DIAPH3: variants seen among roughly 807,000 people sequenced by gnomAD.
DIAPH3 encodes diaphanous related formin 3, also known as protein diaphanous homolog 3.
Under a neutral mutation model 144.3 loss-of-function variants are expected in DIAPH3, and 117 were observed. The ratio of observed to expected loss-of-function variants is 0.81; its 90% CI spans 0.70 to 0.95. The LOEUF is 0.95. DIAPH3 is among the 40% of genes least tolerant of loss of function. DIAPH3 has a pLI of 0.00. For synonymous variants in DIAPH3, 519 were observed against 488.9 expected (o/e 1.06, Z -0.81); for missense variants, 1,421 against 1,412.7 (o/e 1.01, Z -0.09).
intron 22 of DIAPH3, among the ~76,000 whole-genome samples, chr13:59,860,048 T>C (rs1171250140): frequency 6.6e-6 from 1 of 152,138 alleles, no homozygotes; most frequent in Non-Finnish European, 1.5e-5. Flanking sequence ...AGACAGGCCA[T>C]ATGAAATATT....
At chr13:60,132,393 T>G (rs976337701) in intron 2 of DIAPH3, among the ~76,000 whole-genome samples, 3 of 152,134 alleles carry the variant, frequency 2.0e-5, no homozygotes, top group African/African-American at 7.2e-5. Flanking sequence ...TTGTTATTCC[T>G]TTACTATTAA....
Position 59,861,406 on chromosome 13 carries a change from CCTTTACTAG to C in DIAPH3, c.2729_2737del (p.Ala910_Lys912del). ...GAAATGTTTCTTAAAAAGGCACAAA[CCTTTACTAG>C]CTTTGTCTAAAGGTTCCAAATCATC... On this transcript the variant is annotated inframe_deletion and splice_region_variant, in exon 22 of 28. Transcript: ENST00000400324. The C allele has an allele frequency of 6.2e-7, 1 of 1,613,686 alleles. No individual in the cohort carries two copies. Among genetic ancestry groups the C allele is most frequent in the Non-Finnish European group, 8.5e-7 (1 of 1,179,860 alleles).
intron 27 of DIAPH3, among the ~76,000 whole-genome samples, chr13:59,759,763 G>A (rs766493309): frequency 1.3e-5 from 2 of 152,054 alleles, no homozygotes; most frequent in Non-Finnish European, 2.9e-5. Flanking sequence ...GGCCAACATG[G>A]TGACACCCCA....
Position 59,833,060 on chromosome 13 carries a change from A to G in DIAPH3, c.3027+47T>C, listed in dbSNP as rs765563758. 6 of 1,379,034 alleles carry G rather than the reference A, an allele frequency of 4.4e-6. No individual in the cohort carries two copies. The Admixed American group carries it at 5.3e-5, about 12-fold the overall frequency. 85.4% of individuals were successfully genotyped at this position (1,379,034 alleles called of 1,614,324 possible). A position where few individuals can be genotyped will look rare whatever the true frequency, so the allele number is the denominator to read the frequency against. On this transcript the variant is annotated intron_variant, in intron 24 of 27. Coordinates refer to ENST00000400324, the MANE Select transcript of DIAPH3 (RefSeq NM_001042517.2). The stretch of plus-strand genomic sequence containing the variant: ...ACGATGTAATGAGATAATAGATAAG[A>G]TAGTATAAATAAAAAAACTTTTTAA...
chr13:59,731,024 TA>T (rs921789124), intron 27 of DIAPH3, among the ~76,000 whole-genome samples: 4 of 152,142 alleles, frequency 2.6e-5, no homozygotes, highest in Non-Finnish European at 5.9e-5. Flanking sequence ...CTGGTTCTTC[TA>T]AAAAGCTCAG....
At chr13:60,064,353 G>A (rs1312236719) in intron 4 of DIAPH3, among the ~76,000 whole-genome samples, 1 of 152,192 alleles carries the variant, frequency 6.6e-6, no homozygotes, top group Non-Finnish European at 1.5e-5. Flanking sequence ...TTGAAAATCT[G>A]TTGTTTAGTG....
chr13:59,839,445 G>A lies in DIAPH3; in HGVS notation c.2741C>T (p.Ser914Phe). 1 of 1,612,836 alleles carries A rather than the reference G, an allele frequency of 6.2e-7. No individual in the cohort carries two copies. Among genetic ancestry groups the A allele is most frequent in the Non-Finnish European group, 8.5e-7 (1 of 1,179,448 alleles). The change falls in exon 23 of 28, where the codon TCT becomes TTT. Residue 914 changes from serine to phenylalanine, a missense_variant. By Grantham distance (155) the Ser-to-Phe change is radical. Transcript: ENST00000400324. ...LEPLDKASKV[S>F]VETLEKNLRQ... ...CAAATTCTTTTCCAGCGTTTCTACA[G>A]AGACTAAAAGAGAGTATATTAAATG... is the stretch of plus-strand genomic sequence containing the variant.
chr13:59,881,015 A>C (rs904439521), intron 20 of DIAPH3, among the ~76,000 whole-genome samples: 1 of 151,064 alleles, frequency 6.6e-6, no homozygotes, highest in Non-Finnish European at 1.5e-5. Context: ...AAGAAATATC[A>C]TTAAGTTTAT....
chr13:59,938,055 A>C (rs1199166259), intron 17 of DIAPH3, among the ~76,000 whole-genome samples: 3 of 152,136 alleles, frequency 2.0e-5, no homozygotes, highest in Admixed American at 2.0e-4. Context: ...CCAGTTTCTC[A>C]GTTATTAAAT....
At chr13:60,084,807 G>A (rs950218437) in intron 4 of DIAPH3, among the ~76,000 whole-genome samples, 3 of 152,044 alleles carry the variant, frequency 2.0e-5, no homozygotes, top group Non-Finnish European at 4.4e-5. Flanking sequence ...GATAGTAAGA[G>A]GCTATACCAA....
At chr13:60,110,009 A>T (rs1406622315) in intron 3 of DIAPH3, among the ~76,000 whole-genome samples, 1 of 152,234 alleles carries the variant, frequency 6.6e-6, no homozygotes. Context: ...CACAGAAACT[A>T]GACTATTACC....
At chr13:59,976,051 A>G (rs112343867) in intron 14 of DIAPH3, among the ~76,000 whole-genome samples, 5 of 151,926 alleles carry the variant, frequency 3.3e-5, no homozygotes, top group Non-Finnish European at 7.4e-5. Flanking sequence ...CCTCCCTTGC[A>G]TAGTTTACCT....
At chr13:59,784,846 C>T (rs528799378) in intron 25 of DIAPH3, among the ~76,000 whole-genome samples, 18 of 151,102 alleles carry the variant, frequency 1.2e-4, no homozygotes, top group Middle Eastern at 3.5e-3. Context: ...AAACCACACA[C>T]GCGCGCACAC....
chr13:59,948,611 C>T (rs1189228204), intron 17 of DIAPH3, among the ~76,000 whole-genome samples: 1 of 152,016 alleles, frequency 6.6e-6, no homozygotes, highest in Admixed American at 6.6e-5. Flanking sequence ...GTTTATCAGG[C>T]CCAGTGTGTT....
intron 27 of DIAPH3, among the ~76,000 whole-genome samples, chr13:59,705,988 C>T (rs188419753): frequency 5.9e-5 from 9 of 151,538 alleles, no homozygotes; most frequent in Admixed American, 5.3e-4. Flanking sequence ...ACTACGTAGA[C>T]GTTTCTCAGT....
At chr13:59,978,474 A>G (rs1421173848) in intron 14 of DIAPH3, among the ~76,000 whole-genome samples, 2 of 151,742 alleles carry the variant, frequency 1.3e-5, no homozygotes, top group African/African-American at 2.4e-5. Context: ...ACTAAAATTC[A>G]TAAGGAAAAA....
In DIAPH3 at chr13:60,103,133, T is replaced by C. The variant is rs181420689; in HGVS notation, c.390+8877A>G. On this transcript the variant is annotated intron_variant, in intron 3 of 27. Transcript: ENST00000400324. The stretch of plus-strand genomic sequence containing the variant: ...TAAAAATAGTACCAAATAAATATTT[T>C]TCACATTTTATTAGCAAAACCGAGG... 3.3e-3 allele frequency among the ~76,000 whole-genome samples: 500 copies of C among 152,188 alleles called. 3 individuals are homozygous for C. The highest frequency in any genetic ancestry group is 0.011 in the African/African-American group (461 of 41,536).
chr13:59,742,124 G>A (rs2036486663), intron 27 of DIAPH3, among the ~76,000 whole-genome samples: 1 of 152,106 alleles, frequency 6.6e-6, no homozygotes, highest in East Asian at 1.9e-4. Flanking sequence ...CAGATCTCAT[G>A]AGACTTATTC....
At chr13:60,161,177 AAC>A (rs1952272313) in intron 1 of DIAPH3, among the ~76,000 whole-genome samples, 1 of 152,226 alleles carries the variant, frequency 6.6e-6, no homozygotes, top group African/African-American at 2.4e-5. Context: ...TCCCATCAAA[AAC>A]AGCTGCCCCA....
Sources: allele counts gnomAD v4.1 joint callset (sites outside exome capture counted in the v4.1 genomes callset), GRCh38; gene constraint gnomAD v4.1.1; transcripts MANE v1.5; gene names NCBI Gene and HGNC (gene_info 2026-07-23, HGNC 2026-07-21).